Variants in ST3GAL1 observed in about 807,000 individuals in gnomAD.
ST3GAL1 encodes the protein ST3 beta-galactoside alpha-2,3-sialyltransferase 1, also known as CMP-N-acetylneuraminate-beta-galactosamide-alpha-2,3-sialyltransferase 1.
In ST3GAL1, 16 loss-of-function variants were observed where a neutral mutation model predicts 34.1. The ratio of observed to expected loss-of-function variants is 0.47; its 90% confidence interval spans 0.32 to 0.71. The LOEUF is 0.71. Ranked by LOEUF, ST3GAL1 falls within the 30% of genes least tolerant of loss-of-function variation. The pLI, the probability that ST3GAL1 is intolerant of heterozygous loss-of-function variation, is 0.04. For missense variants in ST3GAL1, 353 were observed against 447.4 expected, an observed-to-expected ratio of 0.79 and a Z score of 1.90; for synonymous variants, 191 against 184.7, an observed-to-expected ratio of 1.03 and a Z score of -0.28.
Position 133,463,345 on chromosome 8 carries a change from G to A in ST3GAL1, c.729+69C>T, listed in dbSNP as rs369983478. ...GGGGGCTGTCTTGCAACTCAATGCC[G>A]TACCTTAGAGCAGAGCCTTAGATGA... is the stretch of plus-strand genomic sequence containing the variant. On this transcript the variant is annotated intron_variant, in intron 8 of 9. Coordinates refer to ENST00000522652, the MANE Select transcript of ST3GAL1 (RefSeq NM_173344.3). 169 of 1,575,150 alleles carry A rather than the reference G, an allele frequency of 1.1e-4. 1 individual carries two copies. The highest frequency in any genetic ancestry group is 9.5e-4 in the South Asian group (85 of 89,038).
intron 3 of ST3GAL1, among the ~76,000 whole-genome samples, chr8:133,492,806 C>T (rs1816824096): frequency 6.6e-6 from 1 of 152,234 alleles, no homozygotes; most frequent in African/African-American, 2.4e-5. Context: ...TCGGCCTCAG[C>T]TGGTCTCTCT....
chr8:133,491,436 C>A (rs1003479456), intron 3 of ST3GAL1, among the ~76,000 whole-genome samples: 1 of 152,134 alleles, frequency 6.6e-6, no homozygotes, highest in African/African-American at 2.4e-5. Context: ...CTCCTAATGC[C>A]CCTTACACCT....
chr8:133,491,825 T>C (rs1021848988), intron 3 of ST3GAL1, among the ~76,000 whole-genome samples: 1 of 152,058 alleles, frequency 6.6e-6, no homozygotes, highest in African/African-American at 2.4e-5. Context: ...TGTCACGGTG[T>C]CCAGTTGGAT....
intron 2 of ST3GAL1, among the ~76,000 whole-genome samples, chr8:133,520,207 G>A (rs1817761359): frequency 6.6e-6 from 1 of 152,192 alleles, no homozygotes. Context: ...AAAGAAATGA[G>A]TGTGTAGAGG....
intron 7 of ST3GAL1, among the ~76,000 whole-genome samples, chr8:133,463,913 T>C (rs1401081337): frequency 1.3e-5 from 2 of 152,112 alleles, no homozygotes; most frequent in Non-Finnish European, 2.9e-5. Flanking sequence ...TGATTCCTGC[T>C]CCCAGAGAGA....
At chr8:133,551,617 A>G (rs931354308) in intron 1 of ST3GAL1, among the ~76,000 whole-genome samples, 3 of 141,646 alleles carry the variant, frequency 2.1e-5, no homozygotes, top group African/African-American at 5.1e-5. Flanking sequence ...AAAGAAAGAA[A>G]GAGCGAGCAA....
chr8:133,562,925 T>A (rs1305926809), intron 1 of ST3GAL1, among the ~76,000 whole-genome samples: 2 of 151,822 alleles, frequency 1.3e-5, no homozygotes, highest in African/African-American at 4.8e-5. Flanking sequence ...ATTTTTGTTT[T>A]TTTATGTGGA....
chr8:133,490,766 G>C (rs770749683), intron 3 of ST3GAL1, among the ~76,000 whole-genome samples: 8 of 152,224 alleles, frequency 5.3e-5, no homozygotes, highest in Non-Finnish European at 8.8e-5. Context: ...GAAGGCAAAG[G>C]GGAGCCCGGC....
chr8:133,526,924 C>T (rs999131535), intron 2 of ST3GAL1, among the ~76,000 whole-genome samples: 2 of 152,118 alleles, frequency 1.3e-5, no homozygotes, highest in Non-Finnish European at 2.9e-5. Context: ...TGAGACATAT[C>T]GCTGCACTCA....
intron 2 of ST3GAL1, among the ~76,000 whole-genome samples, chr8:133,530,642 G>T (rs1818125283): frequency 6.6e-6 from 1 of 152,098 alleles, no homozygotes; most frequent in Non-Finnish European, 1.5e-5. Flanking sequence ...CAAGGCTTTT[G>T]TTGTTGTTGT....
chr8:133,528,898 A>G (rs892573834), intron 2 of ST3GAL1, among the ~76,000 whole-genome samples: 7 of 152,228 alleles, frequency 4.6e-5, no homozygotes, highest in African/African-American at 1.4e-4. Context: ...CAGCTTCCCA[A>G]TGGAGATGGT....
At chr8:133,506,683 G>T (rs1817349742) in intron 2 of ST3GAL1, among the ~76,000 whole-genome samples, 3 of 152,102 alleles carry the variant, frequency 2.0e-5, no homozygotes, top group Admixed American at 2.0e-4. Context: ...TACTCAGGAG[G>T]CTGAGGCAGG....
chr8:133,495,241 T>C (rs933813925), intron 3 of ST3GAL1, among the ~76,000 whole-genome samples: 4 of 152,086 alleles, frequency 2.6e-5, no homozygotes, highest in South Asian at 2.1e-4. Flanking sequence ...TCCACACACA[T>C]GACTAACTGG....
intron 1 of ST3GAL1, among the ~76,000 whole-genome samples, chr8:133,562,828 TCCTTCC>T (rs1345373219): frequency 1.7e-5 from 2 of 115,118 alleles, no homozygotes; most frequent in African/African-American, 8.1e-5. Context: ...CTTCCTTCCT[TCCTTCC>T]TTCCTTCCTT....
intron 3 of ST3GAL1, among the ~76,000 whole-genome samples, chr8:133,479,169 C>T (rs1379706714): frequency 6.6e-6 from 1 of 152,156 alleles, no homozygotes; most frequent in Non-Finnish European, 1.5e-5. Context: ...TCATTGACTG[C>T]ATATTTGCTG....
chr8:133,476,243 T>C (rs533737090), intron 4 of ST3GAL1, 35 bp downstream of exon 4: 2 of 482,120 alleles, frequency 4.1e-6, no homozygotes, highest in African/African-American at 1.9e-5. Context: ...ACCAACGCCA[T>C]TCGTGGCATG....
intron 2 of ST3GAL1, among the ~76,000 whole-genome samples, chr8:133,534,936 G>A (rs545813772): frequency 6.6e-6 from 1 of 152,208 alleles, no homozygotes; most frequent in South Asian, 2.1e-4. Flanking sequence ...CGCTCAAGGG[G>A]CTCCCAGTGC....
intron 2 of ST3GAL1, among the ~76,000 whole-genome samples, chr8:133,537,462 C>G (rs11783413): frequency 0.49 from 74,154 of 152,086 alleles, 19,618 homozygotes; most frequent in Middle Eastern, 0.64. Context: ...AAGTTGGAGA[C>G]ATCCTGTGTC....
At chr8:133,499,973 C>G (rs140059364) in intron 2 of ST3GAL1, among the ~76,000 whole-genome samples, 6 of 152,330 alleles carry the variant, frequency 3.9e-5, no homozygotes, top group African/African-American at 1.4e-4. Flanking sequence ...AAACAGACAG[C>G]TAGGCATTTT....
Sources: allele counts gnomAD v4.1 joint callset (sites outside exome capture counted in the v4.1 genomes callset), GRCh38; gene constraint gnomAD v4.1.1; transcripts MANE v1.5; gene names NCBI Gene and HGNC (gene_info 2026-07-23, HGNC 2026-07-21).